The following PTPRD variants were observed in gnomAD, a reference collection of about 807,000 sequenced individuals.
PTPRD encodes protein tyrosine phosphatase receptor type D.
A neutral mutation model predicts 214.5 loss-of-function variants in PTPRD; 34 were observed. The ratio of observed to expected loss-of-function variants is 0.16; its 90% confidence interval spans 0.12 to 0.21. The LOEUF is 0.21. Among genes scored for constraint, PTPRD ranks in the 10% least tolerant of loss-of-function variants. PTPRD has a pLI of 1.00. For missense variants in PTPRD, 2,545 were observed against 2,398.7 expected (o/e 1.06, Z -1.27); for synonymous variants, 1,128 against 845.7 (o/e 1.33, Z -5.79).
chr9:9,665,683 G>T (rs1415072968), intron 7 of PTPRD, among the ~76,000 whole-genome samples: 2 of 151,700 alleles, frequency 1.3e-5, no homozygotes, highest in Non-Finnish European at 3.0e-5. Context: ...ACTCAGAATA[G>T]TTCTATTTGA....
chr9:9,650,379 A>T (rs2096304627), intron 7 of PTPRD, among the ~76,000 whole-genome samples: 1 of 152,144 alleles, frequency 6.6e-6, no homozygotes, highest in Non-Finnish European at 1.5e-5. Context: ...ACATTTACTG[A>T]TTTGCTTATG....
rs34200290 is a variant in PTPRD, at chr9:8,786,033, T to TTGTGTGTGTGTG, written c.-103-52099_-103-52088dup. Among the ~76,000 whole-genome samples, 8 of 143,224 alleles carry TTGTGTGTGTGTG rather than the reference T, an allele frequency of 5.6e-5. No individual in the cohort carries two copies. The East Asian group carries it at 1.1e-3, about 19-fold the overall frequency. 94.0% of individuals were successfully genotyped at this position (143,224 alleles called of 152,430 possible). A position where few individuals can be genotyped will look rare whatever the true frequency, so the allele number is the denominator to read the frequency against. On this transcript the variant is annotated intron_variant, in intron 11 of 45. Coordinates refer to ENST00000381196, the MANE Select transcript of PTPRD (RefSeq NM_002839.4). ...GCAGTCTGAGAAGCCGCTTAATTTGTTGTGTGTGTGTGTGTGTGTGTGTGT... is the reference window on the plus strand; with the variant it reads ...GCAGTCTGAGAAGCCGCTTAATTTGTTGTGTGTGTGTGTGTGTGTGTGTGTGTGTGTGTGTGT...
intron 12 of PTPRD, among the ~76,000 whole-genome samples, chr9:8,653,181 G>A (rs545043918): frequency 4.5e-4 from 68 of 152,162 alleles, no homozygotes; most frequent in Middle Eastern, 6.8e-3. Flanking sequence ...GAGGGAAAAA[G>A]ACAAAAGAGA....
chr9:9,218,610 A>G (rs1304322280), intron 9 of PTPRD, among the ~76,000 whole-genome samples: 1 of 152,128 alleles, frequency 6.6e-6, no homozygotes, highest in African/African-American at 2.4e-5. Flanking sequence ...TAACATATAT[A>G]ATAGGACAGG....
At chr9:8,742,968 T>C (rs1311502152) in intron 11 of PTPRD, among the ~76,000 whole-genome samples, 3 of 152,052 alleles carry the variant, frequency 2.0e-5, no homozygotes, top group Admixed American at 1.3e-4. Flanking sequence ...CCACAGATAC[T>C]GCCAAATACC....
chr9:9,490,998 G>C (rs1212469086), intron 8 of PTPRD, among the ~76,000 whole-genome samples: 1 of 151,182 alleles, frequency 6.6e-6, no homozygotes, highest in East Asian at 1.9e-4. Context: ...CTAAAAGTTA[G>C]ACAATGGCAG....
At chr9:10,326,717 C>G (rs919574637) in intron 3 of PTPRD, among the ~76,000 whole-genome samples, 1 of 151,504 alleles carries the variant, frequency 6.6e-6, no homozygotes, top group Non-Finnish European at 1.5e-5. Context: ...GAAAATGCCT[C>G]TTTCATCCAT....
chr9:10,259,357 C>A (rs2093539713), intron 3 of PTPRD, among the ~76,000 whole-genome samples: 1 of 152,110 alleles, frequency 6.6e-6, no homozygotes, highest in African/African-American at 2.4e-5. Context: ...GATTGACGTT[C>A]TTTTTCTTCC....
intron 3 of PTPRD, among the ~76,000 whole-genome samples, chr9:10,192,508 A>C (rs1164854677): frequency 6.6e-6 from 1 of 151,820 alleles, no homozygotes; most frequent in African/African-American, 2.4e-5. Flanking sequence ...TCCTTTAAAA[A>C]ATCTTATAGA....
At chr9:8,793,080 C>A (rs1197715342) in intron 11 of PTPRD, among the ~76,000 whole-genome samples, 1 of 152,320 alleles carries the variant, frequency 6.6e-6, no homozygotes, top group East Asian at 1.9e-4. Context: ...ATGACTCGTA[C>A]CTGGGTAGCC....
At chr9:9,386,332 G>A (rs2063858870) in intron 9 of PTPRD, among the ~76,000 whole-genome samples, 1 of 152,082 alleles carries the variant, frequency 6.6e-6, no homozygotes, top group Non-Finnish European at 1.5e-5. Context: ...TTGAACCAAT[G>A]AGGTACGGCA....
chr9:9,089,748 T>G (rs1182632204), intron 10 of PTPRD, among the ~76,000 whole-genome samples: 1 of 152,146 alleles, frequency 6.6e-6, no homozygotes, highest in Non-Finnish European at 1.5e-5. Flanking sequence ...AATGTCAACA[T>G]ACTTGTCAGG....
At chr9:8,742,919 A>G (rs2092252884) in intron 11 of PTPRD, among the ~76,000 whole-genome samples, 2 of 152,058 alleles carry the variant, frequency 1.3e-5, no homozygotes, top group African/African-American at 4.8e-5. Flanking sequence ...TTGTTGTCAC[A>G]GCGCAAGAAG....
chr9:10,162,577 A>T (rs1011421955), intron 3 of PTPRD, among the ~76,000 whole-genome samples: 1 of 150,402 alleles, frequency 6.6e-6, no homozygotes, highest in Non-Finnish European at 1.5e-5. Flanking sequence ...AGAAAGTTTG[A>T]TGAATGGGTA....
At chr9:9,325,617 A>G (rs1333126875) in intron 9 of PTPRD, among the ~76,000 whole-genome samples, 1 of 152,140 alleles carries the variant, frequency 6.6e-6, no homozygotes, top group East Asian at 1.9e-4. Flanking sequence ...TTTTCTAGAT[A>G]TACAATCATG....
chr9:8,751,892 T>C (rs1219705030), intron 11 of PTPRD, among the ~76,000 whole-genome samples: 1 of 152,310 alleles, frequency 6.6e-6, no homozygotes, highest in African/African-American at 2.4e-5. Context: ...GCCACCTTAT[T>C]CTGCTTCTCA....
chr9:9,939,384 G>T (rs1048587334), intron 4 of PTPRD, among the ~76,000 whole-genome samples: 8 of 152,188 alleles, frequency 5.3e-5, no homozygotes, highest in African/African-American at 1.9e-4. Context: ...CAGCACTGTA[G>T]CAGTCTTCTT....
chr9:9,315,833 CTTTTTT>C (rs566821610), intron 9 of PTPRD, among the ~76,000 whole-genome samples: 4 of 93,316 alleles, frequency 4.3e-5, no homozygotes, highest in Admixed American at 1.1e-4. Flanking sequence ...TAGCAGACAA[CTTTTTT>C]TTTTTTTTTT....
chr9:9,626,750 T>C (rs2095437034), intron 7 of PTPRD, among the ~76,000 whole-genome samples: 2 of 152,176 alleles, frequency 1.3e-5, no homozygotes, highest in South Asian at 4.1e-4. Context: ...GAGATAAGAA[T>C]ACATTTTCAG....
Sources: allele counts gnomAD v4.1 joint callset (sites outside exome capture counted in the v4.1 genomes callset), GRCh38; gene constraint gnomAD v4.1.1; transcripts MANE v1.5; gene names NCBI Gene and HGNC (gene_info 2026-07-23, HGNC 2026-07-21).